Variants in RPF1 observed in about 807,000 individuals in gnomAD.
RPF1 encodes ribosome production factor 1 homolog.
Under a neutral mutation model 41.9 loss-of-function variants are expected in RPF1, and 34 were observed. The observed-to-expected ratio is 0.81, with a 90% CI of 0.62 to 1.08. The LOEUF is 1.08. RPF1 is among the 50% of genes least tolerant of loss of function. RPF1 has a pLI of 0.00. For missense variants in RPF1, 425 were observed against 435.2 expected (o/e 0.98, Z 0.21); for synonymous variants, 140 against 148.9 (o/e 0.94, Z 0.43).
At chr1:84,482,745 A>G (rs1259933514) in intron 2 of RPF1, among the ~76,000 whole-genome samples, 170 bp from the exon 3 acceptor site, 1 of 152,008 alleles carries the variant, frequency 6.6e-6, no homozygotes, top group Non-Finnish European at 1.5e-5. Context: ...AAAAAAAAAA[A>G]AAAGCCTCTT....
chr1:84,492,731 G>A (rs1681858228), intron 5 of RPF1, among the ~76,000 whole-genome samples: 1 of 152,176 alleles, frequency 6.6e-6, no homozygotes, highest in African/African-American at 2.4e-5. Context: ...GTTATTTGAG[G>A]TAGGGTAATT....
intron 5 of RPF1, among the ~76,000 whole-genome samples, chr1:84,493,364 A>C (rs936394698): frequency 6.6e-6 from 1 of 150,750 alleles, no homozygotes; most frequent in Non-Finnish European, 1.5e-5. Context: ...ATCTGCCTGC[A>C]GTCCCAGCAC....
At chr1:84,496,209 C>T (rs758428600) in intron 7 of RPF1, 35 bp from the exon 8 acceptor site, 11 of 1,585,354 alleles carry the variant, frequency 6.9e-6, no homozygotes, top group Non-Finnish European at 9.5e-6. Flanking sequence ...AACAATAGCT[C>T]ATTCAGACTA....
intron 1 of RPF1, 132 bp from the exon 2 acceptor site, chr1:84,480,824 T>C (rs963780537): frequency 5.7e-6 from 3 of 525,716 alleles, no homozygotes; most frequent in African/African-American, 3.9e-5. Context: ...CACGTCCAGA[T>C]GCTTATTTCA....
intron 5 of RPF1, among the ~76,000 whole-genome samples, chr1:84,492,194 G>A (rs1044331921): frequency 3.9e-5 from 6 of 151,944 alleles, no homozygotes; most frequent in Admixed American, 2.6e-4. Context: ...TAGAGACTTA[G>A]CATGGGTTCA....
intron 3 of RPF1, chr1:84,483,253 G>T: frequency 2.3e-6 from 1 of 433,450 alleles, no homozygotes; most frequent in Non-Finnish European, 4.2e-6. Context: ...ATTTTGGAGG[G>T]TTTTGTTTTT....
intron 5 of RPF1, among the ~76,000 whole-genome samples, chr1:84,494,437 T>C (rs565254298): frequency 6.6e-6 from 1 of 152,222 alleles, no homozygotes; most frequent in Non-Finnish European, 1.5e-5. Context: ...CTGGCCTATT[T>C]AAGTTGTTGA....
Position 84,490,308 on chromosome 1 carries a change from T to C in RPF1, c.463-11T>C. 1.3e-6 allele frequency: 2 copies of C among 1,512,964 alleles called. No homozygotes were observed. Among genetic ancestry groups the C allele is most frequent in the Non-Finnish European group, 1.8e-6 (2 of 1,132,754 alleles). The allele number at this position is 1,512,964 out of a possible 1,614,324, so 93.7% of individuals were successfully genotyped here. ...AAAACTATTCAAAATTTTTGTTATT[T>C]TGTTTTGCAGAGAACAGTACGACTC... is the stretch of plus-strand genomic sequence containing the variant. On this transcript the variant is annotated splice_polypyrimidine_tract_variant and intron_variant, in intron 4 of 8. Transcript: ENST00000370654.
rs1164399327 is a variant in RPF1, at chr1:84,497,560, G to T, written c.*90G>T. The T allele has an allele frequency of 2.1e-6, 2 of 958,524 alleles. No individual in the cohort carries two copies. Among genetic ancestry groups the T allele is most frequent in the East Asian group, 2.7e-5 (1 of 36,852 alleles). The allele number at this position is 958,524 out of a possible 1,614,324, so 59.4% of individuals were successfully genotyped here. On this transcript the variant is annotated 3_prime_UTR_variant, in exon 9 of 9. Coordinates refer to ENST00000370654, the MANE Select transcript of RPF1 (RefSeq NM_025065.7). ...TTGACAGAATACTCTTTTCAAAATGGCATTTGCTGATTTCATAAACCTTTC... is the reference window on the plus strand; with the variant it reads ...TTGACAGAATACTCTTTTCAAAATGTCATTTGCTGATTTCATAAACCTTTC...
intron 3 of RPF1, among the ~76,000 whole-genome samples, chr1:84,484,356 G>C (rs1213483824): frequency 6.6e-6 from 1 of 151,564 alleles, no homozygotes; most frequent in Non-Finnish European, 1.5e-5. Context: ...ATCAGACATT[G>C]ATATTGGTAT....
chr1:84,496,512 T>TA, intron 8 of RPF1, 142 bp downstream of exon 8: 1 of 597,502 alleles, frequency 1.7e-6, no homozygotes, highest in Non-Finnish European at 2.8e-6. Flanking sequence ...CAAACCACTA[T>TA]AGCACGTTTA....
At chr1:84,490,056 A>G (rs960738104) in intron 4 of RPF1, among the ~76,000 whole-genome samples, 1 of 152,162 alleles carries the variant, frequency 6.6e-6, no homozygotes, top group Admixed American at 6.5e-5. Context: ...TACCACTACC[A>G]TCAGTCATAA....
rs148206998 is a variant in RPF1, at chr1:84,479,404, A to T, written c.123A>T (p.Gln41His). 1 of 1,614,010 alleles carries T rather than the reference A, an allele frequency of 6.2e-7. No individual in the cohort carries two copies. The highest frequency in any genetic ancestry group is 8.5e-7 in the Non-Finnish European group (1 of 1,179,992). Residue 41 changes from glutamine to histidine, a missense_variant, in exon 1 of 9, where the codon CAA becomes CAT. Physicochemically the swap from Gln to His is conservative, Grantham distance 24. Transcript: ENST00000370654. The stretch of plus-strand genomic sequence containing the variant: ...ATGGGGCGACGGAAAACGGGGTCCA[A>T]CCCCCGAAAGCGGCTGCCTTTCCGC... ...AGDGATENGV[Q>H]PPKAAAFPPG...
intron 3 of RPF1, among the ~76,000 whole-genome samples, chr1:84,488,362 G>A (rs1399804383): frequency 1.3e-5 from 2 of 152,066 alleles, no homozygotes; most frequent in Non-Finnish European, 2.9e-5. Context: ...TTTTGTTGGT[G>A]TAAACTGCAT....
chr1:84,486,571 G>C lies in RPF1; in HGVS notation c.367-3062G>C, dbSNP rs369136412. ...CCACTGCACTCCAGCATGGGCGACA[G>C]AGCGAGACTCCGTCTCAAAAAAAAA... On this transcript the variant is annotated intron_variant, in intron 3 of 8. Transcript: ENST00000370654. Among the ~76,000 whole-genome samples the C allele has an allele frequency of 1.8e-4, 24 of 134,552 alleles. No homozygotes were observed. In the South Asian group the frequency reaches 5.6e-3, roughly 32 times the overall value. 88.3% of individuals were successfully genotyped at this position (134,552 alleles called of 152,430 possible). A position where few individuals can be genotyped will look rare whatever the true frequency, so the allele number is the denominator to read the frequency against.
intron 3 of RPF1, chr1:84,483,466 C>T (rs945803903): frequency 6.5e-6 from 1 of 154,516 alleles, no homozygotes; most frequent in African/African-American, 2.4e-5. Flanking sequence ...GGGGTTTCAC[C>T]ACGTTGGCCA....
intron 2 of RPF1, among the ~76,000 whole-genome samples, chr1:84,482,663 GCA>G (rs1418385347): frequency 2.7e-5 from 4 of 149,172 alleles, no homozygotes; most frequent in Non-Finnish European, 5.9e-5. Flanking sequence ...TGTTACTTCT[GCA>G]CAGTTTTAAG....
intron 3 of RPF1, among the ~76,000 whole-genome samples, chr1:84,488,611 T>G (rs1681775832): frequency 6.6e-6 from 1 of 152,114 alleles, no homozygotes. Context: ...AAATCAACAG[T>G]GCCATCTTTG....
Position 84,496,046 on chromosome 1 carries a change from AT to A in RPF1, c.866del (p.Phe289SerfsTer26). On this transcript the variant is annotated frameshift_variant, in exon 7 of 9. Transcript: ENST00000370654. LOFTEE classifies it high-confidence loss of function. ...CATTCCACAATCAACGGGATTACAT[AT>A]TCTTCAGATTTCACAGGTGAGGAAG... ...ATFHNQRDYI[F>X]FRFHRYIFRS... The A allele has an allele frequency of 6.2e-7, 1 of 1,606,778 alleles. No homozygotes were observed. The highest frequency in any genetic ancestry group is 8.5e-7 in the Non-Finnish European group (1 of 1,176,494).
Sources: gnomAD v4.1 joint callset for allele counts (sites outside exome capture counted in the v4.1 genomes callset) on GRCh38, gnomAD v4.1.1 for gene constraint, MANE v1.5 for transcripts, NCBI Gene and HGNC (gene_info 2026-07-23, HGNC 2026-07-21) for gene names.